Variants in SARAF observed in about 807,000 individuals in gnomAD.
The protein encoded by SARAF is store-operated calcium entry associated regulatory factor, also known as store-operated calcium entry-associated regulatory factor.
In SARAF, 23 loss-of-function variants were observed where a neutral mutation model predicts 39.7. That is an observed-to-expected ratio of 0.58 (90% CI 0.42 to 0.82). The LOEUF is 0.82. SARAF is among the 40% of genes least tolerant of loss of function. The probability of loss-of-function intolerance (pLI) is 0.00; values close to 1 mark genes in which losing one functional copy is unlikely to be tolerated. For missense variants in SARAF, 384 were observed against 418.5 expected, an observed-to-expected ratio of 0.92 and a Z score of 0.72; for synonymous variants, 175 against 168.5, an observed-to-expected ratio of 1.04 and a Z score of -0.30.
At chr8:30,073,581 ACCATAAGATATCC>A (rs1801892675) in intron 2 of SARAF, 2 of 249,276 alleles carry the variant, frequency 8.0e-6, no homozygotes, top group East Asian at 1.7e-4. Flanking sequence ...GAAAATGACA[ACCATAAGATATCC>A]CCTATCCCTC....
intron 2 of SARAF, among the ~76,000 whole-genome samples, chr8:30,072,816 T>C (rs1001833539): frequency 1.3e-5 from 2 of 152,226 alleles, no homozygotes; most frequent in African/African-American, 2.4e-5. Context: ...TAAGTCCCAA[T>C]GGCTCCAACC....
intron 2 of SARAF, among the ~76,000 whole-genome samples, chr8:30,073,449 T>C (rs956987151): frequency 6.6e-6 from 1 of 152,182 alleles, no homozygotes; most frequent in Non-Finnish European, 1.5e-5. Flanking sequence ...TCTAAGACAA[T>C]TTTAAAATCA....
intron 1 of SARAF, 22 bp downstream of exon 1, chr8:30,082,825 T>C (rs762396961): frequency 7.0e-7 from 1 of 1,433,720 alleles, no homozygotes; most frequent in Non-Finnish European, 9.3e-7. Flanking sequence ...ACGAAGCGCC[T>C]GAGGGCCCTG....
At chr8:30,070,540 T>C (rs1801816179) in intron 2 of SARAF, among the ~76,000 whole-genome samples, 1 of 152,196 alleles carries the variant, frequency 6.6e-6, no homozygotes, top group Non-Finnish European at 1.5e-5. Context: ...TCAAAGATAA[T>C]GGTGGTATCT....
In SARAF at chr8:30,069,855, A is replaced by G. The variant is rs773865735; in HGVS notation, c.487T>C (p.Tyr163His). ...HGFASFSDYY[Y>H]KWSSADSCNM... The stretch of plus-strand genomic sequence containing the variant: ...CAGGAATCCGCCGAGGACCACTTAT[A>G]ATAATAATCAGAGAAAGAGGCAAAG... Residue 163 changes from tyrosine (Y) to histidine (H), a missense_variant, in exon 3 of 6, where the codon TAT (tyrosine) becomes CAT (histidine). Physicochemically the swap from Tyr to His is moderately conservative, Grantham distance 83. Transcript: ENST00000256255. 20 of 1,613,782 alleles carry G rather than the reference A, an allele frequency of 1.2e-5. No individual in the cohort carries two copies. The South Asian group carries it at 2.1e-4, about 17-fold the overall frequency.
chr8:30,078,271 A>G (rs1341483230), intron 1 of SARAF: 1 of 453,486 alleles, frequency 2.2e-6, no homozygotes. Flanking sequence ...AAGAATGAAC[A>G]AGGGAATCTG....
At chr8:30,070,369 G>A (rs939555322) in intron 2 of SARAF, among the ~76,000 whole-genome samples, 1 of 151,838 alleles carries the variant, frequency 6.6e-6, no homozygotes, top group Non-Finnish European at 1.5e-5. Context: ...GATCGTGATT[G>A]CACTCTAGCC....
rs563714056 is a variant in SARAF at position 30,064,023 on chromosome 8, A to G, written c.995-110T>C. ...GTCAGCAAATGAATGAGATAGGAGG[A>G]AAGGAAAGAGTGTGCCACTAGGTGG... On this transcript the variant is annotated intron_variant, in intron 5 of 5. Transcript: ENST00000256255. The G allele has an allele frequency of 6.2e-5, 62 of 1,003,742 alleles. No homozygotes were observed. The African/African-American group carries it at 9.4e-4, about 15-fold the overall frequency. 62.2% of individuals were successfully genotyped at this position (1,003,742 alleles called of 1,614,324 possible).
rs191258977 is a variant in SARAF at position 30,066,642 on chromosome 8, C to T, written c.842+135G>A. 105 of 1,093,994 alleles carry T rather than the reference C, an allele frequency of 9.6e-5. No homozygotes were observed. In the African/African-American group the frequency reaches 1.4e-3, roughly 14 times the overall value. 67.8% of individuals were successfully genotyped at this position (1,093,994 alleles called of 1,614,324 possible). ...AAAACAAATATAGTGTACCTTCCCC[C>T]TTCCCAGAGAATCTTATTTAATAGG... On this transcript the variant is annotated intron_variant, in intron 4 of 5. Coordinates refer to ENST00000256255, the MANE Select transcript of SARAF (RefSeq NM_016127.6).
At position 30,063,223 on chromosome 8, in the gene SARAF, C is replaced by G. The variant is rs1801598505; in HGVS notation, c.*665G>C. 6.6e-6 allele frequency: 1 copy of G among 152,072 alleles called. No individual in the cohort carries two copies. Among genetic ancestry groups the G allele is most frequent in the Non-Finnish European group, 1.5e-5 (1 of 68,012 alleles). 9.4% of individuals were successfully genotyped at this position (152,072 alleles called of 1,614,324 possible). ...TTTTGTTGAAAAATTTGACCTTTAC[C>G]TCTTATGAACGAAAGAAATATAGAG... On this transcript the variant is annotated 3_prime_UTR_variant, in exon 6 of 6. Transcript: ENST00000256255.
intron 1 of SARAF, 183 bp downstream of exon 1, chr8:30,082,664 T>C: frequency 2.0e-6 from 1 of 510,260 alleles, no homozygotes; most frequent in Non-Finnish European, 3.5e-6. Context: ...CCTACCCGCC[T>C]CCCAAGACGC....
chr8:30,066,205 G>T, intron 4 of SARAF, 66 bp from the exon 5 acceptor site: 1 of 1,486,032 alleles, frequency 6.7e-7, no homozygotes, highest in Non-Finnish European at 9.1e-7. Context: ...ATACCTTCCT[G>T]TTCCTAAACT....
intron 5 of SARAF, among the ~76,000 whole-genome samples, chr8:30,064,549 A>ATTTTTTTTTTTTTTTT: frequency 2.3e-5 from 1 of 43,826 alleles, no homozygotes; most frequent in Non-Finnish European, 3.8e-5. Context: ...ATATATATAT[A>ATTTTTTTTTTTTTTTT]TATATATATA....
Position 30,064,549 on chromosome 8 carries a change from A to ATTTTT in SARAF, c.995-637_995-636insAAAAA. Among the ~76,000 whole-genome samples the ATTTTT allele has an allele frequency of 2.9e-3, 128 of 43,818 alleles. 8 individuals are homozygous for ATTTTT. Among genetic ancestry groups the ATTTTT allele is most frequent in the Admixed American group, 4.6e-3 (13 of 2,852 alleles). 28.7% of individuals were successfully genotyped at this position (43,818 alleles called of 152,430 possible). ...CTTACCTAGCCATATATATATATAT[A>ATTTTT]TATATATATATATTTTTTTTTTTTT... On this transcript the variant is annotated intron_variant, in intron 5 of 5. Coordinates refer to ENST00000256255, the MANE Select transcript of SARAF (RefSeq NM_016127.6).
chr8:30,080,797 A>G (rs1203346799), intron 1 of SARAF, among the ~76,000 whole-genome samples: 1 of 152,254 alleles, frequency 6.6e-6, no homozygotes, highest in Non-Finnish European at 1.5e-5. Flanking sequence ...TTAATGCTTT[A>G]GTAAAGGACT....
chr8:30,066,762 A>G lies in SARAF; in HGVS notation c.842+15T>C. The G allele has an allele frequency of 6.2e-7, 1 of 1,613,988 alleles. No homozygotes were observed. Among genetic ancestry groups the G allele is most frequent in the South Asian group, 1.1e-5 (1 of 91,034 alleles). Reference sequence around the variant, plus strand: ...TTGAATTAAAGAGCAAGTGAGATCAATGCAAAAAGCTTACCTATTGCTGCC... The same window carrying G: ...TTGAATTAAAGAGCAAGTGAGATCAGTGCAAAAAGCTTACCTATTGCTGCC... On this transcript the variant is annotated intron_variant, in intron 4 of 5. Transcript: ENST00000256255.
intron 3 of SARAF, among the ~76,000 whole-genome samples, chr8:30,067,869 G>A (rs1801727911): frequency 6.6e-6 from 1 of 152,000 alleles, no homozygotes; most frequent in Admixed American, 6.6e-5. Context: ...CTTCTCCCAG[G>A]TATGTACATA....
chr8:30,074,286 C>A (rs903099474), intron 1 of SARAF, among the ~76,000 whole-genome samples: 1 of 152,176 alleles, frequency 6.6e-6, no homozygotes, highest in Non-Finnish European at 1.5e-5. Context: ...GCTTCTACAG[C>A]ACAAGTTGTA....
chr8:30,083,003 G>A lies in SARAF; in HGVS notation c.-54C>T. ...CCAGACGCCTACGGGCCGAACCTGG[G>A]TGCGGTAGCGCGCGCGACGCTGCGC... On this transcript the variant is annotated 5_prime_UTR_variant, in exon 1 of 6. Coordinates refer to ENST00000256255, the MANE Select transcript of SARAF (RefSeq NM_016127.6). 2 of 1,367,242 alleles carry A rather than the reference G, an allele frequency of 1.5e-6. No homozygotes were observed. Among genetic ancestry groups the A allele is most frequent in the Non-Finnish European group, 9.9e-7 (1 of 1,007,186 alleles). The allele number at this position is 1,367,242 out of a possible 1,614,324, so 84.7% of individuals were successfully genotyped here. A position where few individuals can be genotyped will look rare whatever the true frequency, so the allele number is the denominator to read the frequency against.
Sources: gnomAD v4.1 joint callset for allele counts (sites outside exome capture counted in the v4.1 genomes callset) on GRCh38, gnomAD v4.1.1 for gene constraint, MANE v1.5 for transcripts, NCBI Gene and HGNC (gene_info 2026-07-23, HGNC 2026-07-21) for gene names.